The following RALGAPA1 variants were observed in gnomAD, a reference collection of about 807,000 sequenced individuals.
RALGAPA1 encodes Ral GTPase activating protein catalytic subunit alpha 1.
RALGAPA1 carries 52 observed loss-of-function variants against 269.6 expected under a neutral mutation model. The observed-to-expected ratio is 0.19, with a 90% CI of 0.15 to 0.24. The LOEUF (loss-of-function observed/expected upper bound fraction) is 0.24. RALGAPA1 is among the 10% of genes least tolerant of loss of function. RALGAPA1 has a pLI of 1.00. For synonymous variants in RALGAPA1, 817 were observed against 1,008.3 expected (o/e 0.81, Z 3.60); for missense variants, 1,917 against 3,013.9 (o/e 0.64, Z 8.52).
At chr14:35,575,919 A>T (rs186318073) in intron 37 of RALGAPA1, among the ~76,000 whole-genome samples, 3 of 152,272 alleles carry the variant, frequency 2.0e-5, no homozygotes, top group Admixed American at 2.0e-4. Flanking sequence ...AAGAGCTACA[A>T]TCATTAGAAC....
At chr14:35,608,940 G>A (rs1334110492) in intron 35 of RALGAPA1, among the ~76,000 whole-genome samples, 3 of 152,108 alleles carry the variant, frequency 2.0e-5, no homozygotes, top group Non-Finnish European at 4.4e-5. Flanking sequence ...CATAAAACAA[G>A]CCTTGGCCAG....
Position 35,634,838 on chromosome 14 carries a change from T to C in RALGAPA1, c.5812-81A>G, listed in dbSNP as rs571802410. On this transcript the variant is annotated intron_variant, in intron 32 of 41. Coordinates refer to ENST00000680220, the MANE Select transcript of RALGAPA1 (RefSeq NM_001346249.2). The stretch of plus-strand genomic sequence containing the variant: ...AAGTTAAAGGAGGATAAAAATCAAC[T>C]GGTAACACAAGAGCCTGGCAAAGAT... 174 of 1,288,166 alleles carry C rather than the reference T, an allele frequency of 1.4e-4. 2 individuals carry two copies. In the South Asian group the frequency reaches 2.8e-3, roughly 21 times the overall value. 79.8% of individuals were successfully genotyped at this position (1,288,166 alleles called of 1,614,324 possible).
intron 35 of RALGAPA1, among the ~76,000 whole-genome samples, chr14:35,623,543 T>A (rs1260278804): frequency 6.6e-6 from 1 of 152,132 alleles, no homozygotes; most frequent in Non-Finnish European, 1.5e-5. Context: ...CTTCTCAAGC[T>A]ATAAAGGTTA....
At chr14:35,739,542 C>G (rs1191623011) in intron 11 of RALGAPA1, among the ~76,000 whole-genome samples, 3 of 152,132 alleles carry the variant, frequency 2.0e-5, no homozygotes, top group African/African-American at 7.2e-5. Context: ...TCAGATTCCC[C>G]CCAATTCCTG....
intron 24 of RALGAPA1, among the ~76,000 whole-genome samples, chr14:35,673,600 GA>G (rs2064689977): frequency 2.6e-5 from 4 of 151,752 alleles, no homozygotes; most frequent in Admixed American, 2.6e-4. Flanking sequence ...TTTTTTTTGA[GA>G]CGGAGTTTCG....
intron 36 of RALGAPA1, among the ~76,000 whole-genome samples, chr14:35,604,190 C>G (rs2139172770): frequency 6.6e-6 from 1 of 151,998 alleles, no homozygotes; most frequent in South Asian, 2.1e-4. Flanking sequence ...CTAAATACTA[C>G]CAACAACCAC....
At chr14:35,742,232 A>C (rs547160185) in intron 11 of RALGAPA1, 136 bp downstream of exon 11, 37 of 727,890 alleles carry the variant, frequency 5.1e-5, no homozygotes, top group Admixed American at 4.0e-4. Context: ...TATTACCTAA[A>C]TTGTTGCAAA....
chr14:35,677,792 C>G (rs1364349236), intron 22 of RALGAPA1, 158 bp downstream of exon 22: 2 of 651,524 alleles, frequency 3.1e-6, no homozygotes, highest in Non-Finnish European at 2.6e-6. Flanking sequence ...TCTTTAAGAA[C>G]AAGAAAAAAG....
intron 17 of RALGAPA1, among the ~76,000 whole-genome samples, chr14:35,697,327 A>T (rs2066981324): frequency 6.6e-6 from 1 of 150,982 alleles, no homozygotes; most frequent in Non-Finnish European, 1.5e-5. Flanking sequence ...AATTATAAAC[A>T]GTGTTTTTTT....
At chr14:35,766,795 C>A (rs2074189611) in intron 4 of RALGAPA1, 5 of 506,306 alleles carry the variant, frequency 9.9e-6, no homozygotes, top group South Asian at 6.1e-5. Context: ...CTCCCACCAC[C>A]TTGAGTAAGG....
intron 1 of RALGAPA1, among the ~76,000 whole-genome samples, chr14:35,802,864 T>G (rs1005630941): frequency 2.0e-5 from 3 of 151,902 alleles, no homozygotes; most frequent in Admixed American, 1.3e-4. Flanking sequence ...TTTTTTCTCT[T>G]TTTTGGAGAG....
intron 1 of RALGAPA1, among the ~76,000 whole-genome samples, chr14:35,785,688 C>T (rs1213811386): frequency 6.6e-6 from 1 of 152,070 alleles, no homozygotes; most frequent in African/African-American, 2.4e-5. Context: ...TGAAAAGCAC[C>T]AGGATTGGTC....
At chr14:35,635,221 A>T (rs2139741084) in intron 32 of RALGAPA1, among the ~76,000 whole-genome samples, 1 of 152,224 alleles carries the variant, frequency 6.6e-6, no homozygotes, top group East Asian at 1.9e-4. Context: ...TCTTACAAAG[A>T]ATGACTAAAA....
chr14:35,657,690 T>TATATATA lies in RALGAPA1; in HGVS notation c.5387+1447_5387+1448insTATATAT, dbSNP rs528310943. ...TTGAGAAGCAACATATATATATATA[T>TATATATA]TTTTTTTTTTTTTTGGTAAAAAAAA... On this transcript the variant is annotated intron_variant, in intron 28 of 41. Coordinates refer to ENST00000680220, the MANE Select transcript of RALGAPA1 (RefSeq NM_001346249.2). Among the ~76,000 whole-genome samples the TATATATA allele has an allele frequency of 4.7e-3, 659 of 141,602 alleles. 6 individuals carry two copies. Among genetic ancestry groups the TATATATA allele is most frequent in the African/African-American group, 0.016 (620 of 38,054 alleles). 92.9% of individuals were successfully genotyped at this position (141,602 alleles called of 152,430 possible).
chr14:35,689,082 T>G lies in RALGAPA1; in HGVS notation c.3329A>C (p.Asn1110Thr). Residue 1110 changes from asparagine to threonine, a missense_variant, in exon 18 of 42, where the codon AAC becomes ACC. Physicochemically the swap from Asn to Thr is moderately conservative, Grantham distance 65. Transcript: ENST00000680220. ...AKKATLKAPV[N>T]RRMPHVTSTS... ...ACTTGTAACATGAGGCATTCTGCGG[T>G]TAACAGGTGCTTTTAGTGTTGCTTT... The G allele has an allele frequency of 8.1e-7, 1 of 1,236,586 alleles. No individual in the cohort carries two copies. Among genetic ancestry groups the G allele is most frequent in the Non-Finnish European group, 1.0e-6 (1 of 990,594 alleles). 76.6% of individuals were successfully genotyped at this position (1,236,586 alleles called of 1,614,324 possible).
At chr14:35,633,675 C>T (rs1332514740) in intron 33 of RALGAPA1, among the ~76,000 whole-genome samples, 1 of 152,090 alleles carries the variant, frequency 6.6e-6, no homozygotes, top group East Asian at 1.9e-4. Context: ...CCATAATTTA[C>T]CAACTCCTAT....
chr14:35,593,275 T>C (rs949813121), intron 37 of RALGAPA1, among the ~76,000 whole-genome samples: 5 of 151,946 alleles, frequency 3.3e-5, no homozygotes, highest in Non-Finnish European at 7.4e-5. Context: ...TAGAAATAAA[T>C]TAACCAAGGA....
At chr14:35,586,120 T>C (rs988638412) in intron 37 of RALGAPA1, among the ~76,000 whole-genome samples, 7 of 152,204 alleles carry the variant, frequency 4.6e-5, no homozygotes, top group East Asian at 1.9e-4. Flanking sequence ...TGTCCTCTTT[T>C]AGTTAGTTGA....
At chr14:35,568,523 G>T (rs1319724275) in intron 39 of RALGAPA1, among the ~76,000 whole-genome samples, 1 of 152,154 alleles carries the variant, frequency 6.6e-6, no homozygotes, top group African/African-American at 2.4e-5. Context: ...TCTAGGGAAT[G>T]AAGCCGTAAT....
Sources: gnomAD v4.1 joint callset for allele counts (sites outside exome capture counted in the v4.1 genomes callset) on GRCh38, gnomAD v4.1.1 for gene constraint, MANE v1.5 for transcripts, NCBI Gene and HGNC (gene_info 2026-07-23, HGNC 2026-07-21) for gene names.